Variants in B3GLCT observed in about 807,000 individuals in gnomAD.
B3GLCT encodes beta 3-glucosyltransferase.
A neutral mutation model predicts 63.4 loss-of-function variants in B3GLCT; 65 were observed. The observed-to-expected ratio is 1.03, with a 90% CI of 0.84 to 1.26. B3GLCT has a LOEUF of 1.26. Ranked by LOEUF, B3GLCT falls within the 50% of genes most tolerant of loss-of-function variation. The probability of loss-of-function intolerance (pLI) is 0.00; values close to 1 mark genes in which losing one functional copy is unlikely to be tolerated. For missense variants in B3GLCT, 577 were observed against 604.8 expected (o/e 0.95, Z 0.48); for synonymous variants, 233 against 219.2 (o/e 1.06, Z -0.55).
chr13:31,263,493 C>T (rs1424961406), intron 7 of B3GLCT, among the ~76,000 whole-genome samples: 5 of 152,184 alleles, frequency 3.3e-5, no homozygotes, highest in Non-Finnish European at 5.9e-5. Flanking sequence ...TCCTCTGCTT[C>T]ACTGCTCATC....
chr13:31,220,623 GTC>G (rs1222353766), intron 2 of B3GLCT, among the ~76,000 whole-genome samples: 1 of 152,200 alleles, frequency 6.6e-6, no homozygotes, highest in Non-Finnish European at 1.5e-5. Context: ...GGGGAAATTA[GTC>G]AAGACCATTT....
intron 5 of B3GLCT, among the ~76,000 whole-genome samples, chr13:31,247,329 G>A (rs138064179): frequency 1.3e-4 from 20 of 152,090 alleles, no homozygotes; most frequent in African/African-American, 4.8e-4. Context: ...TCGCCAGGCT[G>A]GAATGCAGTG....
At chr13:31,276,300 TTC>T (rs1294743547) in intron 9 of B3GLCT, among the ~76,000 whole-genome samples, 3 of 152,326 alleles carry the variant, frequency 2.0e-5, no homozygotes, top group Admixed American at 6.5e-5. Flanking sequence ...TCCCCCCTAT[TTC>T]TCTCTTTTTG....
chr13:31,298,846 G>A (rs766246975), intron 12 of B3GLCT, among the ~76,000 whole-genome samples: 9 of 152,186 alleles, frequency 5.9e-5, no homozygotes, highest in South Asian at 2.1e-4. Context: ...TTTGCTAAGC[G>A]GGGTGAAGGA....
chr13:31,222,958 G>T lies in B3GLCT; in HGVS notation c.127G>T (p.Glu43Ter). 1 of 1,523,736 alleles carries T rather than the reference G, an allele frequency of 6.6e-7. No individual in the cohort carries two copies. The highest frequency in any genetic ancestry group is 1.1e-5 in the South Asian group (1 of 89,172). 94.4% of individuals were successfully genotyped at this position (1,523,736 alleles called of 1,614,324 possible). A position where few individuals can be genotyped will look rare whatever the true frequency, so the allele number is the denominator to read the frequency against. ...TCTTTCATTTAAAATACAGGATTTG[G>T]AGAAAAGTGGTATATCAAGGAAAAA... ...KKEVKQSQDL[E>*]KSGISRKNDI... The change falls in exon 3 of 15, where the codon GAG (glutamate) becomes TAG (stop). Residue 43 changes from glutamate (E) to a stop codon, truncating the protein, a stop_gained. Transcript: ENST00000343307. LOFTEE classifies it high-confidence loss of function.
At chr13:31,302,460 G>C (rs1874271419) in intron 12 of B3GLCT, among the ~76,000 whole-genome samples, 1 of 141,890 alleles carries the variant, frequency 7.0e-6, no homozygotes, top group Non-Finnish European at 1.5e-5. Flanking sequence ...GCGCAGGCCA[G>C]TGTGTGTGCG....
In B3GLCT at chr13:31,261,011, C is replaced by A; in HGVS notation, c.525C>A (p.Ser175=). Residue 175 remains serine, a synonymous_variant, in exon 7 of 15, where the codon TCC becomes TCA. Transcript: ENST00000343307. ...CAATAATTCACCATTATGCCTTTTC[C>A]GAGAATCCTACAGTTTTTAAGTATC... The part of the protein sequence containing the change: ...EATIIHHYAF[S]ENPTVFKYPD... The A allele has an allele frequency of 6.2e-7, 1 of 1,613,446 alleles. No homozygotes were observed. Among genetic ancestry groups the A allele is most frequent in the Non-Finnish European group, 8.5e-7 (1 of 1,179,878 alleles).
intron 6 of B3GLCT, among the ~76,000 whole-genome samples, chr13:31,257,018 A>G (rs1871777709): frequency 6.6e-6 from 1 of 152,194 alleles, no homozygotes; most frequent in African/African-American, 2.4e-5. Context: ...TAATAAAGTC[A>G]TTAAGAAAGA....
At position 31,223,842 on chromosome 13, in the gene B3GLCT, G is replaced by A. The variant is rs577070037; in HGVS notation, c.160+851G>A. Among the ~76,000 whole-genome samples, 162 of 152,294 alleles carry A rather than the reference G, an allele frequency of 1.1e-3. 2 individuals carry two copies. The highest frequency in any genetic ancestry group is 3.6e-3 in the African/African-American group (150 of 41,556). On this transcript the variant is annotated intron_variant, in intron 3 of 14. Transcript: ENST00000343307. ...GTGTCAGGGGGTATGCGGTCCATGGGAGAAGTCTCCCTTCAGACACAGGGG... is the reference window on the plus strand; with the variant it reads ...GTGTCAGGGGGTATGCGGTCCATGGAAGAAGTCTCCCTTCAGACACAGGGG...
intron 11 of B3GLCT, among the ~76,000 whole-genome samples, chr13:31,285,661 T>C (rs958676509): frequency 1.3e-5 from 2 of 150,930 alleles, no homozygotes; most frequent in Non-Finnish European, 3.0e-5. Flanking sequence ...TATACAGTAA[T>C]TTATCTTATT....
At chr13:31,323,241 T>C (rs1875420984) in intron 13 of B3GLCT, among the ~76,000 whole-genome samples, 1 of 152,212 alleles carries the variant, frequency 6.6e-6, no homozygotes, top group Admixed American at 6.5e-5. Flanking sequence ...ATTCATAGAA[T>C]GTTTCCTCCC....
intron 7 of B3GLCT, among the ~76,000 whole-genome samples, chr13:31,261,710 G>T (rs1290639918): frequency 1.3e-5 from 2 of 152,170 alleles, no homozygotes; most frequent in Non-Finnish European, 2.9e-5. Flanking sequence ...ATGGAAAGTT[G>T]ATAAAGCACT....
intron 4 of B3GLCT, 72 bp from the exon 5 acceptor site, chr13:31,246,951 C>CTTTTT (rs66466340): frequency 6.4e-6 from 5 of 779,664 alleles, no homozygotes; most frequent in Non-Finnish European, 9.9e-6. Context: ...CTTTTCTTTT[C>CTTTTT]TTTTTTTTTT....
chr13:31,285,113 T>C (rs541900503), intron 11 of B3GLCT, among the ~76,000 whole-genome samples: 13 of 152,346 alleles, frequency 8.5e-5, no homozygotes, highest in African/African-American at 2.9e-4. Context: ...GTTCACATAT[T>C]ATATTACCCG....
At chr13:31,315,020 C>T (rs1341412318) in intron 12 of B3GLCT, among the ~76,000 whole-genome samples, 1 of 152,120 alleles carries the variant, frequency 6.6e-6, no homozygotes, top group Non-Finnish European at 1.5e-5. Flanking sequence ...TGCCTTTTGC[C>T]CTCTGCCATA....
chr13:31,263,349 C>G (rs1462375126), intron 7 of B3GLCT, among the ~76,000 whole-genome samples: 1 of 152,184 alleles, frequency 6.6e-6, no homozygotes, highest in Non-Finnish European at 1.5e-5. Context: ...ACTGTCTGAA[C>G]CAGGTGCAGG....
At chr13:31,266,072 C>T (rs1361794570) in intron 7 of B3GLCT, among the ~76,000 whole-genome samples, 2 of 151,990 alleles carry the variant, frequency 1.3e-5, no homozygotes, top group Non-Finnish European at 2.9e-5. Context: ...CAGTCTCGCT[C>T]ACTGCAAGTT....
intron 1 of B3GLCT, among the ~76,000 whole-genome samples, chr13:31,201,875 C>T (rs1566036490): frequency 1.3e-5 from 2 of 152,110 alleles, no homozygotes; most frequent in Non-Finnish European, 2.9e-5. Flanking sequence ...GTCAGATAAG[C>T]ACAATAAATA....
intron 11 of B3GLCT, among the ~76,000 whole-genome samples, chr13:31,286,248 G>A (rs999204604): frequency 2.0e-5 from 3 of 152,186 alleles, no homozygotes; most frequent in African/African-American, 7.2e-5. Context: ...AAACTTAGTG[G>A]TAGTAAATAT....
Sources: gnomAD v4.1 joint callset for allele counts (sites outside exome capture counted in the v4.1 genomes callset) on GRCh38, gnomAD v4.1.1 for gene constraint, MANE v1.5 for transcripts, NCBI Gene and HGNC (gene_info 2026-07-23, HGNC 2026-07-21) for gene names.